The following PDE4B variants were observed in gnomAD, a reference collection of about 807,000 sequenced individuals.
PDE4B encodes 3',5'-cyclic-AMP phosphodiesterase 4B.
Under a neutral mutation model 82.2 loss-of-function variants are expected in PDE4B, and 20 were observed. That is an observed-to-expected ratio of 0.24 (90% CI 0.17 to 0.35). The LOEUF is 0.35. Ranked by LOEUF, PDE4B falls within the 10% of genes least tolerant of loss-of-function variation. The probability of loss-of-function intolerance (pLI) is 1.00; values close to 1 mark genes in which losing one functional copy is unlikely to be tolerated. For synonymous variants in PDE4B, 320 were observed against 318.9 expected, an observed-to-expected ratio of 1.00 and a Z score of -0.04; for missense variants, 655 against 907.2, an observed-to-expected ratio of 0.72 and a Z score of 3.57.
intron 3 of PDE4B, among the ~76,000 whole-genome samples, chr1:66,019,090 G>A (rs1337139628): frequency 2.6e-5 from 4 of 152,082 alleles, no homozygotes; most frequent in Admixed American, 2.6e-4. Flanking sequence ...TTAATGACCT[G>A]GTTAATACTG....
chr1:66,005,520 T>C (rs1036027891), intron 3 of PDE4B, among the ~76,000 whole-genome samples: 10 of 152,280 alleles, frequency 6.6e-5, no homozygotes, highest in Admixed American at 5.2e-4. Context: ...TTGTGTCACT[T>C]GGCAACTTAA....
intron 3 of PDE4B, among the ~76,000 whole-genome samples, chr1:65,952,634 A>G (rs1005563062): frequency 1.3e-5 from 2 of 152,090 alleles, no homozygotes; most frequent in African/African-American, 4.8e-5. Context: ...GTGAGCCAAG[A>G]TCATGCCATT....
chr1:66,229,395 G>T (rs1047718707), intron 3 of PDE4B, among the ~76,000 whole-genome samples: 1 of 152,206 alleles, frequency 6.6e-6, no homozygotes, highest in South Asian at 2.1e-4. Context: ...CATAAAGATT[G>T]TGTGAGCCTT....
At chr1:65,952,750 C>T (rs1482703281) in intron 3 of PDE4B, among the ~76,000 whole-genome samples, 2 of 152,030 alleles carry the variant, frequency 1.3e-5, no homozygotes, top group Non-Finnish European at 2.9e-5. Context: ...TACACTTTGA[C>T]TCCTGCTTTT....
At chr1:65,885,389 C>G (rs991053306) in intron 1 of PDE4B, among the ~76,000 whole-genome samples, 1 of 152,136 alleles carries the variant, frequency 6.6e-6, no homozygotes, top group Non-Finnish European at 1.5e-5. Flanking sequence ...ATAAATCATG[C>G]TGCTATAAAG....
At chr1:66,284,541 C>T (rs768166065) in intron 7 of PDE4B, among the ~76,000 whole-genome samples, 5 of 152,104 alleles carry the variant, frequency 3.3e-5, no homozygotes, top group South Asian at 2.1e-4. Flanking sequence ...ACCTGTAGTT[C>T]GATCTACTCA....
chr1:65,998,715 G>A (rs991010869), intron 3 of PDE4B, among the ~76,000 whole-genome samples: 3 of 152,076 alleles, frequency 2.0e-5, no homozygotes, highest in Admixed American at 2.0e-4. Flanking sequence ...TGATGCTGTA[G>A]ATAGTACTAG....
At chr1:65,898,803 A>G (rs897115073) in intron 1 of PDE4B, among the ~76,000 whole-genome samples, 5 of 152,168 alleles carry the variant, frequency 3.3e-5, no homozygotes, top group African/African-American at 9.6e-5. Context: ...CTCACCTTAT[A>G]CAAAAATCAA....
At chr1:66,126,608 G>A (rs768768004) in intron 3 of PDE4B, among the ~76,000 whole-genome samples, 1 of 152,164 alleles carries the variant, frequency 6.6e-6, no homozygotes, top group Admixed American at 6.5e-5. Context: ...TTTTAGAAGA[G>A]TTTCAGTTAA....
chr1:65,955,763 A>T (rs924348079), intron 3 of PDE4B, among the ~76,000 whole-genome samples: 1 of 152,096 alleles, frequency 6.6e-6, no homozygotes, highest in African/African-American at 2.4e-5. Context: ...CTACAGTAAC[A>T]TGCTCTTCAG....
intron 3 of PDE4B, among the ~76,000 whole-genome samples, chr1:66,016,087 T>A (rs967456120): frequency 7.2e-5 from 11 of 152,248 alleles, no homozygotes; most frequent in Non-Finnish European, 1.5e-4. Context: ...CTTGGGAAAG[T>A]TATTAAACCT....
At chr1:65,797,558 G>C (rs1279613269) in intron 1 of PDE4B, among the ~76,000 whole-genome samples, 2 of 152,156 alleles carry the variant, frequency 1.3e-5, no homozygotes, top group African/African-American at 4.8e-5. Flanking sequence ...TGCTTCCGGG[G>C]CTCCCACTGA....
At chr1:66,354,786 T>C (rs1662105260) in intron 8 of PDE4B, 14 of 1,534,190 alleles carry the variant, frequency 9.1e-6, no homozygotes, top group African/African-American at 1.4e-5. Context: ...GGGATTGCTC[T>C]CTCAGAACTG....
intron 3 of PDE4B, 48 bp downstream of exon 3, chr1:65,918,883 A>G (rs780511943): frequency 1.3e-5 from 14 of 1,107,790 alleles, no homozygotes; most frequent in East Asian, 2.4e-5. Flanking sequence ...TTATTTTCCA[A>G]TTTCTCCAAA....
Position 66,372,623 on chromosome 1 carries a change from T to C in PDE4B, c.2156T>C (p.Leu719Pro), listed in dbSNP as rs1485591778. 6 of 1,614,076 alleles carry C rather than the reference T, an allele frequency of 3.7e-6. No individual in the cohort carries two copies. The East Asian group carries it at 6.7e-5, about 18-fold the overall frequency. Reference protein sequence around the residue: ...CVIDPENRDSLGETDIDIATE... With the variant: ...CVIDPENRDSPGETDIDIATE... ...ATTGATCCAGAAAACAGAGATTCCC[T>C]GGGAGAGACTGACATAGACATTGCA... The change falls in exon 17 of 17, where the codon CTG (leucine) becomes CCG (proline). Residue 719 changes from leucine to proline, a missense_variant. This residue lies in a region of PDE4B where 119 missense variants were observed against 115.2 expected (regional missense o/e 1.03). Coordinates refer to ENST00000341517, the MANE Select transcript of PDE4B (RefSeq NM_002600.4).
intron 3 of PDE4B, among the ~76,000 whole-genome samples, chr1:66,136,959 G>A (rs1248320195): frequency 6.6e-6 from 1 of 152,106 alleles, no homozygotes; most frequent in Admixed American, 6.5e-5. Flanking sequence ...ATGAGGACTA[G>A]GATAGGAAAA....
intron 7 of PDE4B, among the ~76,000 whole-genome samples, chr1:66,283,004 G>T (rs376932565): frequency 6.6e-6 from 1 of 152,068 alleles, no homozygotes; most frequent in African/African-American, 2.4e-5. Context: ...TATAATCCCT[G>T]TTAGCCTTGT....
At chr1:65,801,709 C>T (rs1157358881) in intron 1 of PDE4B, among the ~76,000 whole-genome samples, 1 of 152,088 alleles carries the variant, frequency 6.6e-6, no homozygotes, top group African/African-American at 2.4e-5. Flanking sequence ...TCCTACTTAG[C>T]CATAATCTTC....
At chr1:66,265,058 C>G (rs1429956319) in intron 6 of PDE4B, among the ~76,000 whole-genome samples, 1 of 152,216 alleles carries the variant, frequency 6.6e-6, no homozygotes, top group South Asian at 2.1e-4. Context: ...AGCAGAGAAT[C>G]CTTAATGCCA....
Sources: allele counts gnomAD v4.1 joint callset (sites outside exome capture counted in the v4.1 genomes callset), GRCh38; gene constraint gnomAD v4.1.1; regional missense constraint gnomAD v4.1.1; transcripts MANE v1.5; gene names NCBI Gene and HGNC (gene_info 2026-07-23, HGNC 2026-07-21).